Variants in XKR9 observed in about 807,000 individuals in gnomAD.
XKR9 encodes the protein XK-related protein 9.
In XKR9, 32 loss-of-function variants were observed where a neutral mutation model predicts 32.0. The observed-to-expected ratio is 1.00, with a 90% confidence interval of 0.76 to 1.34. The LOEUF (loss-of-function observed/expected upper bound fraction) is 1.34. Among genes scored for constraint, XKR9 ranks in the 40% most tolerant of loss-of-function variants. The pLI is 0.00. For missense variants in XKR9, 546 were observed against 429.7 expected (o/e 1.27, Z -2.39); for synonymous variants, 168 against 143.4 (o/e 1.17, Z -1.22).
At chr8:71,005,361 T>A in the XKR9 span, among the ~76,000 whole-genome samples, 1 of 151,878 alleles carries the variant, frequency 6.6e-6, no homozygotes, top group African/African-American at 2.4e-5. Context: ...TAGCTGGGAT[T>A]GCAGGTGCCC....
chr8:70,796,336 A>G, the XKR9 span, among the ~76,000 whole-genome samples: 1 of 151,958 alleles, frequency 6.6e-6, no homozygotes, highest in Non-Finnish European at 1.5e-5. Context: ...ACTTTCCCAT[A>G]TTATCTAAGT....
chr8:70,953,184 A>G, the XKR9 span, among the ~76,000 whole-genome samples: 252 of 152,376 alleles, frequency 1.7e-3, 4 homozygotes, highest in Non-Finnish European at 1.9e-4. Flanking sequence ...GAGGAGGATC[A>G]GGGTGTAGGA....
chr8:70,763,317 T>C (rs1472706221), intron 2 of XKR9, among the ~76,000 whole-genome samples: 1 of 152,198 alleles, frequency 6.6e-6, no homozygotes, highest in African/African-American at 2.4e-5. Context: ...TTAGTTCACA[T>C]GTTTGTGGAC....
intron 2 of XKR9, among the ~76,000 whole-genome samples, chr8:70,755,067 G>A (rs1174001550): frequency 6.6e-6 from 1 of 151,808 alleles, no homozygotes; most frequent in Non-Finnish European, 1.5e-5. Flanking sequence ...AAATTTACAA[G>A]AAAAAAACAA....
chr8:70,928,878 G>C, the XKR9 span, among the ~76,000 whole-genome samples: 1 of 152,154 alleles, frequency 6.6e-6, no homozygotes, highest in Non-Finnish European at 1.5e-5. Context: ...TATAGGAGTT[G>C]AGAGAGACAG....
At chr8:70,805,672 T>G in the XKR9 span, among the ~76,000 whole-genome samples, 1 of 152,206 alleles carries the variant, frequency 6.6e-6, no homozygotes, top group African/African-American at 2.4e-5. Flanking sequence ...GGCGTGACCC[T>G]GACTCATCCT....
chr8:70,722,092 C>CT lies in XKR9; in HGVS notation c.494-11703dup, dbSNP rs200598623. ...TTTTTGATATTTGTTGGTTTAAAGT[C>CT]TATTTTATCAGAGACTAGCATTGCA... is the stretch of plus-strand genomic sequence containing the variant. On this transcript the variant is annotated intron_variant, in intron 4 of 4. Coordinates refer to ENST00000408926, the MANE Select transcript of XKR9 (RefSeq NM_001011720.2). Among the ~76,000 whole-genome samples the CT allele has an allele frequency of 2.4e-3, 369 of 151,404 alleles. 13 individuals are homozygous for CT. In the East Asian group the frequency reaches 0.059, roughly 24 times the overall value.
chr8:71,039,696 A>G, the XKR9 span, among the ~76,000 whole-genome samples: 1 of 152,164 alleles, frequency 6.6e-6, no homozygotes, highest in Non-Finnish European at 1.5e-5. Context: ...AATACTGGAA[A>G]TGTTGTTCAA....
At chr8:70,872,985 G>T in the XKR9 span, among the ~76,000 whole-genome samples, 3 of 152,156 alleles carry the variant, frequency 2.0e-5, no homozygotes, top group African/African-American at 7.2e-5. Context: ...GTTGAAGCTA[G>T]TGCTTATTTA....
the XKR9 span, among the ~76,000 whole-genome samples, chr8:70,877,178 C>T: frequency 2.0e-5 from 3 of 152,076 alleles, no homozygotes; most frequent in African/African-American, 7.2e-5. Flanking sequence ...ACCATCAGAT[C>T]TCATGAGAAC....
chr8:71,046,304 C>G, the XKR9 span, among the ~76,000 whole-genome samples: 1 of 152,126 alleles, frequency 6.6e-6, no homozygotes, highest in Non-Finnish European at 1.5e-5. Flanking sequence ...TCTGAAAGGG[C>G]GGTGCAGGGG....
chr8:70,922,423 C>T, the XKR9 span, among the ~76,000 whole-genome samples: 1 of 152,198 alleles, frequency 6.6e-6, no homozygotes, highest in African/African-American at 2.4e-5. Flanking sequence ...GATTTCCAAT[C>T]CCCTTTTGGG....
chr8:70,980,970 A>G, the XKR9 span, among the ~76,000 whole-genome samples: 22 of 152,310 alleles, frequency 1.4e-4, no homozygotes, highest in East Asian at 3.5e-3. Context: ...TAGGACCTCA[A>G]TTTCTTCTAG....
intron 2 of XKR9, among the ~76,000 whole-genome samples, chr8:70,742,944 A>T (rs1330967348): frequency 2.0e-5 from 3 of 151,968 alleles, no homozygotes; most frequent in Non-Finnish European, 2.9e-5. Flanking sequence ...AGTTTCTTGA[A>T]CCTGTAAATT....
the XKR9 span, among the ~76,000 whole-genome samples, chr8:70,856,738 G>C: frequency 2.7e-3 from 407 of 152,260 alleles, 1 homozygote; most frequent in African/African-American, 9.1e-3. Context: ...GTACTCCTCA[G>C]CAAATGTAAA....
the XKR9 span, among the ~76,000 whole-genome samples, chr8:71,036,293 T>C: frequency 6.6e-6 from 1 of 152,184 alleles, no homozygotes; most frequent in Admixed American, 6.5e-5. Flanking sequence ...GAACACTTAC[T>C]GACTTTTGAT....
At chr8:70,836,970 T>A in the XKR9 span, among the ~76,000 whole-genome samples, 1 of 152,052 alleles carries the variant, frequency 6.6e-6, no homozygotes, top group African/African-American at 2.4e-5. Flanking sequence ...AAATAATTCA[T>A]CTTGTTAGTG....
chr8:70,787,000 G>T (rs1328979096), intron 2 of XKR9, among the ~76,000 whole-genome samples: 4 of 152,110 alleles, frequency 2.6e-5, no homozygotes, highest in Admixed American at 6.6e-5. Flanking sequence ...AGCTCAGGTA[G>T]ACTCTTGGAA....
At chr8:70,725,247 C>G (rs1806424356) in intron 4 of XKR9, among the ~76,000 whole-genome samples, 1 of 152,084 alleles carries the variant, frequency 6.6e-6, no homozygotes, top group African/African-American at 2.4e-5. Flanking sequence ...GACGCAAAGC[C>G]AAACCATATC....
Sources: gnomAD v4.1 joint callset for allele counts (sites outside exome capture counted in the v4.1 genomes callset) on GRCh38, gnomAD v4.1.1 for gene constraint, MANE v1.5 for transcripts, NCBI Gene and HGNC (gene_info 2026-07-23, HGNC 2026-07-21) for gene names.